Variants in MYD88 observed in about 807,000 individuals in gnomAD.
MYD88 encodes the protein MYD88 innate immune signal transduction adaptor, also known as myeloid differentiation primary response protein MyD88.
MYD88 carries 15 observed loss-of-function variants against 31.1 expected under a neutral mutation model. The observed-to-expected ratio is 0.48, with a 90% CI of 0.32 to 0.74. The LOEUF (loss-of-function observed/expected upper bound fraction) is 0.74. Among genes scored for constraint, MYD88 ranks in the 30% least tolerant of loss-of-function variants. The pLI is 0.03. For synonymous variants in MYD88, 157 were observed against 158.8 expected, an observed-to-expected ratio of 0.99 and a Z score of 0.08; for missense variants, 308 against 387.4, an observed-to-expected ratio of 0.79 and a Z score of 1.72.
Position 38,139,046 on chromosome 3 carries a change from C to A in MYD88, c.328+18C>A. Reference sequence around the variant, plus strand: ...CAGCATTGGTGAGGACGTCCCCTTCCTGGCCTCGTACCTGGGGGGTGAGGA... The same window carrying A: ...CAGCATTGGTGAGGACGTCCCCTTCATGGCCTCGTACCTGGGGGGTGAGGA... On this transcript the variant is annotated intron_variant, in intron 1 of 4. Coordinates refer to ENST00000650905, the MANE Select transcript of MYD88 (RefSeq NM_002468.5). The surrounding 1 kb of genome is among the most constrained non-coding windows in gnomAD (Gnocchi z 4.7). 1 of 1,597,258 alleles carries A rather than the reference C, an allele frequency of 6.3e-7. No individual in the cohort carries two copies. The highest frequency in any genetic ancestry group is 1.3e-5 in the African/African-American group (1 of 74,956).
rs567570364 is a variant in MYD88, at chr3:38,142,162, C to T, written c.*876C>T. 15 of 233,274 alleles carry T rather than the reference C, an allele frequency of 6.4e-5. No individual in the cohort carries two copies. The highest frequency in any genetic ancestry group is 1.8e-4 in the East Asian group (3 of 16,584). 14.5% of individuals were successfully genotyped at this position (233,274 alleles called of 1,614,324 possible). ...TGAGCAGGGAGCCTTCCTCCCTGGG[C>T]CACCTGCAGAGAGCTTTCCCACCAA... On this transcript the variant is annotated 3_prime_UTR_variant, in exon 5 of 5. Coordinates refer to ENST00000650905, the MANE Select transcript of MYD88 (RefSeq NM_002468.5).
Position 38,139,840 on chromosome 3 carries a change from C to A in MYD88, c.329-24C>A, listed in dbSNP as rs890594640. 1 of 1,611,876 alleles carries A rather than the reference C, an allele frequency of 6.2e-7. No homozygotes were observed. Among genetic ancestry groups the A allele is most frequent in the Non-Finnish European group, 8.5e-7 (1 of 1,179,946 alleles). ...GAGGTAGGCACTCCCAGGGAGGCTG[C>A]TTTACTCTGTCTCTTCCCCACAGAG... is the stretch of plus-strand genomic sequence containing the variant. On this transcript the variant is annotated intron_variant, in intron 1 of 4. Coordinates refer to ENST00000650905, the MANE Select transcript of MYD88 (RefSeq NM_002468.5). This position sits in a 1 kb window ranked among gnomAD's most constrained non-coding sequence, Gnocchi z 4.7.
rs550661080 is a variant in MYD88, at chr3:38,141,361, G to A, written c.*75G>A. The A allele has an allele frequency of 8.1e-5, 128 of 1,573,226 alleles. 1 individual carries two copies. Among genetic ancestry groups the A allele is most frequent in the South Asian group, 3.8e-4 (34 of 90,142 alleles). ...TACTTCTGCCCTGCCTCCTCCTTTC[G>A]TTGTAGGAGGAATCTGTGCTCTACT... On this transcript the variant is annotated 3_prime_UTR_variant, in exon 5 of 5. Transcript: ENST00000650905.
At chr3:38,140,602 T>C in intron 3 of MYD88, 34 bp downstream of exon 3, 8 of 1,613,808 alleles carry the variant, frequency 5.0e-6, no homozygotes, top group Non-Finnish European at 6.8e-6. Context: ...GGTGCGTGGA[T>C]GCATGAAGCC....
At position 38,139,004 on chromosome 3, in the gene MYD88, C is replaced by G. The variant is rs367827634; in HGVS notation, c.304C>G (p.Leu102Val). ...TACCAAGCTGGGCCGCGACGACGTG[C>G]TGCTGGAGCTGGGACCCAGCATTGG... Reference protein sequence around the residue: ...LLTKLGRDDVLLELGPSIEED... With the variant: ...LLTKLGRDDVVLELGPSIEED... The change falls in exon 1 of 5, where the codon CTG becomes GTG. Residue 102 changes from leucine (L) to valine (V), a missense_variant. Leu to Val is a conservative substitution (Grantham distance 32). Coordinates refer to ENST00000650905, the MANE Select transcript of MYD88 (RefSeq NM_002468.5). The surrounding 1 kb of genome is among the most constrained non-coding windows in gnomAD (Gnocchi z 4.7). 1 of 1,605,388 alleles carries G rather than the reference C, an allele frequency of 6.2e-7. No individual in the cohort carries two copies. The highest frequency in any genetic ancestry group is 1.3e-5 in the African/African-American group (1 of 74,942).
chr3:38,139,980 A>G lies in MYD88; in HGVS notation c.445A>G (p.Thr149Ala). 6.2e-7 allele frequency: 1 copy of G among 1,613,612 alleles called. No homozygotes were observed. The highest frequency in any genetic ancestry group is 8.5e-7 in the Non-Finnish European group (1 of 1,179,876). ...PRTAELAGIT[T>A]LDDPLGHMPE... is the part of the protein sequence containing the mutation. ...GACAGCAGAGCTGGCGGGCATCACC[A>G]CACTTGATGACCCCCTGGGTAAGGG... is the stretch of plus-strand genomic sequence containing the variant. The change falls in exon 2 of 5, where the codon ACA (threonine) becomes GCA (alanine). Residue 149 changes from threonine to alanine, a missense_variant. Transcript: ENST00000650905. This position sits in a 1 kb window ranked among gnomAD's most constrained non-coding sequence, Gnocchi z 4.7.
chr3:38,139,734 G>A lies in MYD88; in HGVS notation c.329-130G>A, dbSNP rs1257802246. The A allele has an allele frequency of 5.9e-6, 7 of 1,189,968 alleles. No individual in the cohort carries two copies. The highest frequency in any genetic ancestry group is 7.3e-6 in the Non-Finnish European group (6 of 823,000). The allele number at this position is 1,189,968 out of a possible 1,614,324, so 73.7% of individuals were successfully genotyped here. ...TCTCAGAGCCGTTGAGCTTCGCGTGGCACCAGTGAACTGGGGAAGCCCTCT... is the reference window on the plus strand; with the variant it reads ...TCTCAGAGCCGTTGAGCTTCGCGTGACACCAGTGAACTGGGGAAGCCCTCT... On this transcript the variant is annotated intron_variant, in intron 1 of 4. Coordinates refer to ENST00000650905, the MANE Select transcript of MYD88 (RefSeq NM_002468.5). The surrounding 1 kb of genome is among the most constrained non-coding windows in gnomAD (Gnocchi z 4.7).
In MYD88 at chr3:38,139,993, C is replaced by A. The variant is rs746846997; in HGVS notation, c.458C>A (p.Pro153His). The part of the protein sequence containing the change: ...ELAGITTLDD[P>H]LGHMPERFDA... ...GCGGGCATCACCACACTTGATGACC[C>A]CCTGGGTAAGGGTCCAATACTGTTC... Residue 153 changes from proline (P) to histidine (H), a missense_variant, in exon 2 of 5, where the codon CCC (proline) becomes CAC (histidine). Physicochemically the swap from Pro to His is moderately conservative, Grantham distance 77. Transcript: ENST00000650905. The surrounding 1 kb of genome is among the most constrained non-coding windows in gnomAD (Gnocchi z 4.7). 126 of 1,613,148 alleles carry A rather than the reference C, an allele frequency of 7.8e-5. No individual in the cohort carries two copies. The highest frequency in any genetic ancestry group is 1.1e-4 in the Non-Finnish European group (124 of 1,179,808).
In MYD88 at chr3:38,142,952, A is replaced by G. The variant is rs931195146; in HGVS notation, c.*1666A>G. ...TATCTGAGAAAAGCCGATATTTGCC[A>G]TTCTTCCTATATCCTGGAATATATC... On this transcript the variant is annotated 3_prime_UTR_variant, in exon 5 of 5. Coordinates refer to ENST00000650905, the MANE Select transcript of MYD88 (RefSeq NM_002468.5). 9 of 233,136 alleles carry G rather than the reference A, an allele frequency of 3.9e-5. No individual in the cohort carries two copies. Among genetic ancestry groups the G allele is most frequent in the African/African-American group, 2.0e-4 (9 of 45,346 alleles). 14.4% of individuals were successfully genotyped at this position (233,136 alleles called of 1,614,324 possible). A position where few individuals can be genotyped will look rare whatever the true frequency, so the allele number is the denominator to read the frequency against.
rs1408337946 is a variant in MYD88, at chr3:38,139,001, G to A, written c.301G>A (p.Val101Met). The A allele has an allele frequency of 7.5e-6, 12 of 1,606,066 alleles. No homozygotes were observed. Among genetic ancestry groups the A allele is most frequent in the East Asian group, 6.7e-5 (3 of 44,880 alleles). ...ELLTKLGRDD[V>M]LLELGPSIEE... ...GCTTACCAAGCTGGGCCGCGACGAC[G>A]TGCTGCTGGAGCTGGGACCCAGCAT... Residue 101 changes from valine to methionine, a missense_variant, in exon 1 of 5, where the codon GTG becomes ATG. Transcript: ENST00000650905. The surrounding 1 kb of genome is among the most constrained non-coding windows in gnomAD (Gnocchi z 4.7).
chr3:38,140,931 CTG>C (rs1701065009), intron 4 of MYD88, 83 bp downstream of exon 4: 1 of 1,431,366 alleles, frequency 7.0e-7, no homozygotes, highest in African/African-American at 1.4e-5. Flanking sequence ...TCCCCAAGGA[CTG>C]TGGATGCAGT....
Position 38,139,099 on chromosome 3 carries a change from T to C in MYD88, c.328+71T>C. On this transcript the variant is annotated intron_variant, in intron 1 of 4. Transcript: ENST00000650905. This position sits in a 1 kb window ranked among gnomAD's most constrained non-coding sequence, Gnocchi z 4.7. ...CTGACTTTCCGCGGCCTCAGCATCC[T>C]GTCTCCCATGGAGAGACCCCATTTC... 1 of 1,536,088 alleles carries C rather than the reference T, an allele frequency of 6.5e-7. No homozygotes were observed. Among genetic ancestry groups the C allele is most frequent in the East Asian group, 2.3e-5 (1 of 42,616 alleles).
At position 38,142,081 on chromosome 3, in the gene MYD88, T is replaced by C. The variant is rs564884483; in HGVS notation, c.*795T>C. 4 of 234,758 alleles carry C rather than the reference T, an allele frequency of 1.7e-5. 1 individual carries two copies. In the East Asian group the frequency reaches 2.4e-4, roughly 14 times the overall value. 14.5% of individuals were successfully genotyped at this position (234,758 alleles called of 1,614,324 possible). ...CTCCACCTGGCATGAGAAGGGATCC[T>C]GGCCTCTGGCATATTCATCAAGTAT... On this transcript the variant is annotated 3_prime_UTR_variant, in exon 5 of 5. Transcript: ENST00000650905.
At position 38,138,783 on chromosome 3, in the gene MYD88, G is replaced by A. The variant is rs1700991485; in HGVS notation, c.83G>A (p.Arg28Gln). Residue 28 changes from arginine (R) to glutamine (Q), a missense_variant, in exon 1 of 5, where the codon CGA becomes CAA. Transcript: ENST00000650905. The surrounding 1 kb of genome is among the most constrained non-coding windows in gnomAD (Gnocchi z 6.4). The part of the protein sequence containing the change: ...SSLPLAALNM[R>Q]VRRRLSLFLN... ...CTTCCCCTGGCTGCTCTCAACATGC[G>A]AGTGCGGCGCCGCCTGTCTCTGTTC... 2.5e-6 allele frequency: 4 copies of A among 1,613,240 alleles called. No individual in the cohort carries two copies. The African/African-American group carries it at 4.0e-5, about 16-fold the overall frequency.
rs1356576425 is a variant in MYD88 at position 38,142,840 on chromosome 3, C to T, written c.*1554C>T. On this transcript the variant is annotated 3_prime_UTR_variant, in exon 5 of 5. Transcript: ENST00000650905. ...TGTTGAGGCATTTAGCTGCCATGCA[C>T]CTGTCCCCCTTTAATACTGGGCATT... 3 of 233,168 alleles carry T rather than the reference C, an allele frequency of 1.3e-5. No homozygotes were observed. Among genetic ancestry groups the T allele is most frequent in the South Asian group, 1.8e-4 (1 of 5,538 alleles). 14.4% of individuals were successfully genotyped at this position (233,168 alleles called of 1,614,324 possible).
In MYD88 at chr3:38,140,765, G is replaced by A. The variant is rs750043155; in HGVS notation, c.653G>A (p.Arg218Gln). The A allele has an allele frequency of 3.1e-5, 50 of 1,614,140 alleles. No individual in the cohort carries two copies. Among genetic ancestry groups the A allele is most frequent in the Non-Finnish European group, 3.9e-5 (46 of 1,180,018 alleles). The change falls in exon 4 of 5, where the codon CGG becomes CAG. Residue 218 changes from arginine to glutamine, a missense_variant. Transcript: ENST00000650905. Reference protein sequence around the residue: ...ASELIEKRCRRMVVVVSDDYL... With the variant: ...ASELIEKRCRQMVVVVSDDYL... ...TGCCCACTCTCCCCTAGGTGCCGCCGGATGGTGGTGGTTGTCTCTGATGAT... is the reference window on the plus strand; with the variant it reads ...TGCCCACTCTCCCCTAGGTGCCGCCAGATGGTGGTGGTTGTCTCTGATGAT...
intron 3 of MYD88, 75 bp from the exon 4 acceptor site, chr3:38,140,682 C>G (rs1701057191): frequency 6.3e-7 from 1 of 1,595,584 alleles, no homozygotes; most frequent in Admixed American, 1.7e-5. Context: ...ACAGTGGGCC[C>G]TTCCTGAAGC....
In MYD88 at chr3:38,139,075, T is replaced by C; in HGVS notation, c.328+47T>C. ...CCTCGTACCTGGGGGGTGAGGAGGC[T>C]GACTTTCCGCGGCCTCAGCATCCTG... On this transcript the variant is annotated intron_variant, in intron 1 of 4. Transcript: ENST00000650905. This position sits in a 1 kb window ranked among gnomAD's most constrained non-coding sequence, Gnocchi z 4.7. 1.9e-6 allele frequency: 3 copies of C among 1,577,988 alleles called. No homozygotes were observed. The highest frequency in any genetic ancestry group is 2.6e-6 in the Non-Finnish European group (3 of 1,167,228).
chr3:38,139,904 G>A lies in MYD88; in HGVS notation c.369G>A (p.Glu123=), dbSNP rs2125777432. ...CQKYILKQQQ[E]EAEKPLQVAA... ...AGTATATCTTGAAGCAGCAGCAGGA[G>A]GAGGCTGAGAAGCCTTTACAGGTGG... is the stretch of plus-strand genomic sequence containing the variant. Residue 123 remains glutamate (E), a synonymous_variant, in exon 2 of 5, where the codon GAG becomes GAA. Coordinates refer to ENST00000650905, the MANE Select transcript of MYD88 (RefSeq NM_002468.5). This position sits in a 1 kb window ranked among gnomAD's most constrained non-coding sequence, Gnocchi z 4.7. 6 of 1,613,552 alleles carry A rather than the reference G, an allele frequency of 3.7e-6. No individual in the cohort carries two copies. Among genetic ancestry groups the A allele is most frequent in the Non-Finnish European group, 5.1e-6 (6 of 1,180,014 alleles).
Sources: gnomAD v4.1 joint callset for allele counts on GRCh38, gnomAD v4.1.1 for gene constraint, Gnocchi (gnomAD v3.1) non-coding constraint, MANE v1.5 for transcripts, NCBI Gene and HGNC (gene_info 2026-07-23, HGNC 2026-07-21) for gene names.